KIAA1328: variants seen among roughly 807,000 people sequenced by gnomAD.
KIAA1328 encodes KIAA1328, also known as protein hinderin.
In KIAA1328, 52 loss-of-function variants were observed where a neutral mutation model predicts 68.1. That is an observed-to-expected ratio of 0.76 (90% confidence interval 0.61 to 0.96). The LOEUF (loss-of-function observed/expected upper bound fraction) is 0.96. KIAA1328 is among the 40% of genes least tolerant of loss of function. KIAA1328 has a pLI of 0.00. For missense variants in KIAA1328, 641 were observed against 677.6 expected, an observed-to-expected ratio of 0.95 and a Z score of 0.60; for synonymous variants, 232 against 239.4, an observed-to-expected ratio of 0.97 and a Z score of 0.28.
At chr18:36,878,821 G>A (rs2048230316) in intron 4 of KIAA1328, among the ~76,000 whole-genome samples, 1 of 152,032 alleles carries the variant, frequency 6.6e-6, no homozygotes, top group Non-Finnish European at 1.5e-5. Context: ...ATTGATACTT[G>A]TGTATGCTTC....
intron 8 of KIAA1328, among the ~76,000 whole-genome samples, chr18:37,163,394 A>G (rs1005952578): frequency 6.6e-6 from 1 of 152,034 alleles, no homozygotes; most frequent in Non-Finnish European, 1.5e-5. Context: ...TTGAATCTCT[A>G]AATTCCCTTA....
chr18:36,946,283 A>C (rs2050896508), intron 5 of KIAA1328: 1 of 152,228 alleles, frequency 6.6e-6, no homozygotes, highest in African/African-American at 2.4e-5. Flanking sequence ...ACAGAAAGAC[A>C]TACCAAGAAT....
intron 7 of KIAA1328, among the ~76,000 whole-genome samples, chr18:37,116,952 CA>C (rs2058126984): frequency 6.6e-6 from 1 of 152,134 alleles, no homozygotes; most frequent in South Asian, 2.1e-4. Flanking sequence ...AAATCAAAAC[CA>C]CAATGAAATA....
At chr18:37,145,550 ATG>A (rs2058878924) in intron 7 of KIAA1328, among the ~76,000 whole-genome samples, 1 of 152,218 alleles carries the variant, frequency 6.6e-6, no homozygotes, top group South Asian at 2.1e-4. Flanking sequence ...TAAAAAAGAA[ATG>A]TTAAAATATC....
At chr18:37,103,278 A>G (rs2057676805) in intron 7 of KIAA1328, among the ~76,000 whole-genome samples, 1 of 152,196 alleles carries the variant, frequency 6.6e-6, no homozygotes, top group East Asian at 1.9e-4. Flanking sequence ...ATAGTAACCA[A>G]AACAGCATGG....
intron 5 of KIAA1328, among the ~76,000 whole-genome samples, chr18:36,894,627 C>A (rs2048811021): frequency 6.6e-6 from 1 of 152,020 alleles, no homozygotes; most frequent in South Asian, 2.1e-4. Context: ...CAGGCCCAAG[C>A]AGTCCTCCCA....
rs544998846 is a variant in KIAA1328 at position 37,170,764 on chromosome 18, C to T, written c.1415-2209C>T. Among the ~76,000 whole-genome samples the T allele has an allele frequency of 7.2e-5, 11 of 152,252 alleles. No individual in the cohort carries two copies. The South Asian group carries it at 2.1e-3, about 29-fold the overall frequency. Reference sequence around the variant, plus strand: ...GCTCCATCACTTATAGCTCGGTGACCTTGGGCAGATCACATAGGCTCTTTA... The same window carrying T: ...GCTCCATCACTTATAGCTCGGTGACTTTGGGCAGATCACATAGGCTCTTTA... On this transcript the variant is annotated intron_variant, in intron 8 of 9. Coordinates refer to ENST00000280020, the MANE Select transcript of KIAA1328 (RefSeq NM_020776.3).
intron 7 of KIAA1328, among the ~76,000 whole-genome samples, chr18:37,114,182 C>T (rs2058032444): frequency 6.6e-6 from 1 of 152,208 alleles, no homozygotes; most frequent in African/African-American, 2.4e-5. Flanking sequence ...ACAGAACTCT[C>T]CACGCCAGAT....
At chr18:37,134,133 C>A (rs891417600) in intron 7 of KIAA1328, among the ~76,000 whole-genome samples, 1 of 152,042 alleles carries the variant, frequency 6.6e-6, no homozygotes, top group Admixed American at 6.6e-5. Flanking sequence ...CCTGCCTCAG[C>A]CTCCCGAGTA....
intron 8 of KIAA1328, among the ~76,000 whole-genome samples, chr18:37,166,455 A>G (rs528724018): frequency 6.6e-6 from 1 of 152,144 alleles, no homozygotes; most frequent in Non-Finnish European, 1.5e-5. Context: ...TTTTAAGCTC[A>G]TCAGCTATCA....
chr18:37,062,949 T>C (rs1032153998), intron 6 of KIAA1328, among the ~76,000 whole-genome samples: 1 of 152,092 alleles, frequency 6.6e-6, no homozygotes, highest in Non-Finnish European at 1.5e-5. Context: ...ACGGTTTCTG[T>C]GGGTCATGAG....
intron 6 of KIAA1328, among the ~76,000 whole-genome samples, chr18:37,051,988 G>C (rs981515961): frequency 1.3e-5 from 2 of 151,194 alleles, no homozygotes; most frequent in Non-Finnish European, 2.9e-5. Context: ...GTTGCAGTGA[G>C]CCAAGATCAC....
chr18:36,852,882 G>A (rs1411824674), intron 4 of KIAA1328, among the ~76,000 whole-genome samples: 2 of 152,030 alleles, frequency 1.3e-5, no homozygotes, highest in Non-Finnish European at 2.9e-5. Context: ...CTGTCTGGAT[G>A]TTCTATATGT....
Position 37,165,994 on chromosome 18 carries a change from G to A in KIAA1328, c.1414+5613G>A, listed in dbSNP as rs954682582. Among the ~76,000 whole-genome samples the A allele has an allele frequency of 2.0e-5, 3 of 150,950 alleles. 1 individual carries two copies. The highest frequency in any genetic ancestry group is 7.3e-5 in the African/African-American group (3 of 41,088). ...CATGTTATGTTTTTTCTTCTCAGAA[G>A]GTAGTTTAATGATTACACTGATTGG... On this transcript the variant is annotated intron_variant, in intron 8 of 9. Transcript: ENST00000280020.
At chr18:36,916,843 G>A (rs555526907) in intron 5 of KIAA1328, among the ~76,000 whole-genome samples, 3 of 151,794 alleles carry the variant, frequency 2.0e-5, no homozygotes, top group Non-Finnish European at 4.4e-5. Flanking sequence ...TAAATTCCTG[G>A]GCTCAAGTAA....
intron 9 of KIAA1328, among the ~76,000 whole-genome samples, chr18:37,197,212 T>C (rs1216736880): frequency 6.6e-6 from 1 of 152,086 alleles, no homozygotes; most frequent in Non-Finnish European, 1.5e-5. Context: ...GTCTTTTCTC[T>C]TTTTTTCTTA....
intron 7 of KIAA1328, among the ~76,000 whole-genome samples, chr18:37,125,787 T>C (rs2058375070): frequency 6.6e-6 from 1 of 152,158 alleles, no homozygotes; most frequent in Non-Finnish European, 1.5e-5. Context: ...AAGCAGAGAA[T>C]TTTACATCTG....
chr18:36,852,852 C>T (rs1600991263), intron 4 of KIAA1328, among the ~76,000 whole-genome samples: 1 of 152,108 alleles, frequency 6.6e-6, no homozygotes, highest in Non-Finnish European at 1.5e-5. Context: ...GGCAGTCTGC[C>T]ACACTTTCTT....
At chr18:37,045,425 T>A (rs1401114451) in intron 6 of KIAA1328, among the ~76,000 whole-genome samples, 3 of 152,212 alleles carry the variant, frequency 2.0e-5, no homozygotes, top group Non-Finnish European at 4.4e-5. Context: ...TCAATTATTT[T>A]GTTCTTTGGT....
Sources: gnomAD v4.1 joint callset for allele counts (sites outside exome capture counted in the v4.1 genomes callset) on GRCh38, gnomAD v4.1.1 for gene constraint, MANE v1.5 for transcripts, NCBI Gene and HGNC (gene_info 2026-07-23, HGNC 2026-07-21) for gene names.